CYFIP2: variants seen among roughly 807,000 people sequenced by gnomAD.
The protein encoded by CYFIP2 is cytoplasmic FMR1-interacting protein 2.
A neutral mutation model predicts 158.7 loss-of-function variants in CYFIP2; 29 were observed. That is an observed-to-expected ratio of 0.18 (90% CI 0.14 to 0.25). CYFIP2 has a LOEUF of 0.25. Among genes scored for constraint, CYFIP2 ranks in the 10% least tolerant of loss-of-function variants. The pLI is 1.00. For missense variants in CYFIP2, 852 were observed against 1,639.5 expected, an observed-to-expected ratio of 0.52 and a Z score of 8.29; for synonymous variants, 585 against 617.6, an observed-to-expected ratio of 0.95 and a Z score of 0.78.
chr5:157,273,500 G>T (rs1035040345), intron 1 of CYFIP2, among the ~76,000 whole-genome samples: 1 of 152,116 alleles, frequency 6.6e-6, no homozygotes, highest in Admixed American at 6.5e-5. Context: ...AACAGGCAGG[G>T]GCAGGGGGAG....
intron 5 of CYFIP2, among the ~76,000 whole-genome samples, chr5:157,300,487 A>T (rs1758651330): frequency 6.6e-6 from 1 of 151,228 alleles, no homozygotes; most frequent in Non-Finnish European, 1.5e-5. Context: ...GTGAGCCGAG[A>T]TCGCACCGCT....
chr5:157,379,858 G>A (rs1765878744), intron 26 of CYFIP2, among the ~76,000 whole-genome samples: 2 of 152,072 alleles, frequency 1.3e-5, no homozygotes, highest in African/African-American at 4.8e-5. Context: ...AAGGGACAAA[G>A]AGTAATGCAT....
In CYFIP2 at chr5:157,319,748, C is replaced by T. The variant is rs748633141; in HGVS notation, c.1357-14C>T. The T allele has an allele frequency of 3.7e-6, 6 of 1,613,462 alleles. No homozygotes were observed. The highest frequency in any genetic ancestry group is 2.7e-5 in the African/African-American group (2 of 74,918). On this transcript the variant is annotated splice_polypyrimidine_tract_variant and intron_variant, in intron 13 of 30. Transcript: ENST00000620254. ...GGACATGGTGAACATGACCCTTGGC[C>T]TCTTCCTGCCCAGGTGATCGCCATG... is the stretch of plus-strand genomic sequence containing the variant.
At chr5:157,380,668 A>T (rs561376908) in intron 26 of CYFIP2, among the ~76,000 whole-genome samples, 1 of 152,376 alleles carries the variant, frequency 6.6e-6, no homozygotes, top group African/African-American at 2.4e-5. Context: ...ACAAAATGTT[A>T]GCAAATAAAA....
chr5:157,373,732 T>G (rs1007980883), intron 26 of CYFIP2, among the ~76,000 whole-genome samples: 19 of 152,322 alleles, frequency 1.2e-4, no homozygotes, highest in African/African-American at 4.6e-4. Flanking sequence ...AATCTGTTCT[T>G]ATTTTAAAAT....
At chr5:157,297,899 G>C (rs1174660792) in intron 5 of CYFIP2, among the ~76,000 whole-genome samples, 1 of 152,250 alleles carries the variant, frequency 6.6e-6, no homozygotes, top group Non-Finnish European at 1.5e-5. Flanking sequence ...CAAGTGCAGA[G>C]TGGCCACGTG....
intron 28 of CYFIP2, among the ~76,000 whole-genome samples, chr5:157,386,682 G>A (rs987866252): frequency 1.3e-5 from 2 of 152,192 alleles, no homozygotes; most frequent in African/African-American, 2.4e-5. Flanking sequence ...CACTTTGGGA[G>A]GCCAAGGTGG....
At chr5:157,270,832 T>C (rs942994569) in intron 1 of CYFIP2, among the ~76,000 whole-genome samples, 2 of 152,186 alleles carry the variant, frequency 1.3e-5, no homozygotes, top group Non-Finnish European at 2.9e-5. Context: ...AAGTTAAGAA[T>C]TTTGGTCATT....
chr5:157,317,702 C>G (rs1324537958), intron 13 of CYFIP2, among the ~76,000 whole-genome samples: 2 of 152,198 alleles, frequency 1.3e-5, no homozygotes, highest in East Asian at 3.8e-4. Flanking sequence ...TATTTTCTTG[C>G]ACAACTTTTT....
intron 26 of CYFIP2, 83 bp from the exon 27 acceptor site, chr5:157,382,507 C>T (rs1766226439): frequency 1.4e-5 from 20 of 1,446,882 alleles, no homozygotes; most frequent in Admixed American, 1.9e-5. Flanking sequence ...TAGCTAACTC[C>T]AGTGCTCAGG....
intron 23 of CYFIP2, chr5:157,342,747 A>G: frequency 9.4e-7 from 1 of 1,066,036 alleles, no homozygotes; most frequent in Non-Finnish European, 1.3e-6. Flanking sequence ...GGTGACCTAC[A>G]ATAGCAGTGA....
At chr5:157,319,198 G>A (rs1760391264) in intron 13 of CYFIP2, among the ~76,000 whole-genome samples, 1 of 152,146 alleles carries the variant, frequency 6.6e-6, no homozygotes, top group African/African-American at 2.4e-5. Context: ...GTGAGTTAGG[G>A]TAAGGAGAAG....
At chr5:157,343,156 G>A in intron 23 of CYFIP2, 1 of 1,614,228 alleles carries the variant, frequency 6.2e-7, no homozygotes, top group African/African-American at 1.3e-5. Flanking sequence ...TGAAGGCCAA[G>A]ACGGCTGTGA....
rs1477220787 is a variant in CYFIP2, at chr5:157,366,030, G to A, written c.3039+4432G>A. Among the ~76,000 whole-genome samples the A allele has an allele frequency of 2.6e-5, 4 of 152,008 alleles. No homozygotes were observed. In the East Asian group the frequency reaches 7.7e-4, roughly 29 times the overall value. On this transcript the variant is annotated intron_variant, in intron 26 of 30. Coordinates refer to ENST00000620254, the MANE Select transcript of CYFIP2 (RefSeq NM_001037333.3). ...GTTTTTATTAGGGAAATACCTATTA[G>A]GTTAGCTTCAAAGCAGTTTTCAAAT...
intron 23 of CYFIP2, among the ~76,000 whole-genome samples, chr5:157,346,443 C>A (rs781424250): frequency 1.3e-5 from 2 of 152,084 alleles, no homozygotes; most frequent in Non-Finnish European, 2.9e-5. Flanking sequence ...TGACTAATGT[C>A]TTTGTAAGAG....
intron 26 of CYFIP2, among the ~76,000 whole-genome samples, chr5:157,362,120 G>C (rs994075997): frequency 6.6e-6 from 1 of 152,248 alleles, no homozygotes; most frequent in African/African-American, 2.4e-5. Flanking sequence ...GTCATAGGTA[G>C]ATTTCAGAGA....
intron 1 of CYFIP2, among the ~76,000 whole-genome samples, chr5:157,280,573 A>C (rs1405745278): frequency 6.6e-6 from 1 of 152,112 alleles, no homozygotes; most frequent in East Asian, 1.9e-4. Context: ...ACCTAGTTAC[A>C]GGAGAAAAAA....
At chr5:157,327,448 C>T (rs1761113563) in intron 18 of CYFIP2, among the ~76,000 whole-genome samples, 1 of 151,902 alleles carries the variant, frequency 6.6e-6, no homozygotes, top group African/African-American at 2.4e-5. Flanking sequence ...GCCTGTAATC[C>T]CAGCTACTTG....
intron 23 of CYFIP2, among the ~76,000 whole-genome samples, chr5:157,349,241 A>G (rs1391257799): frequency 6.6e-6 from 1 of 152,140 alleles, no homozygotes; most frequent in African/African-American, 2.4e-5. Context: ...AGTATACGCT[A>G]TGCCCAATGT....
Sources: allele counts gnomAD v4.1 joint callset (sites outside exome capture counted in the v4.1 genomes callset), GRCh38; gene constraint gnomAD v4.1.1; transcripts MANE v1.5; gene names NCBI Gene and HGNC (gene_info 2026-07-23, HGNC 2026-07-21).